NR3C2: variants seen among roughly 807,000 people sequenced by gnomAD.
NR3C2 encodes the protein mineralocorticoid receptor.
In NR3C2, 15 loss-of-function variants were observed where a neutral mutation model predicts 86.4. That is an observed-to-expected ratio of 0.17 (90% CI 0.12 to 0.27). The LOEUF (loss-of-function observed/expected upper bound fraction) is 0.27. NR3C2 is among the 10% of genes least tolerant of loss of function. The pLI, the probability that NR3C2 is intolerant of heterozygous loss-of-function variation, is 1.00. For missense variants in NR3C2, 960 were observed against 1,195.6 expected (o/e 0.80, Z 2.91); for synonymous variants, 458 against 450.5 (o/e 1.02, Z -0.21).
chr4:148,202,826 TC>T (rs1158958413), intron 3 of NR3C2, among the ~76,000 whole-genome samples: 2 of 152,178 alleles, frequency 1.3e-5, no homozygotes, highest in Admixed American at 6.5e-5. Context: ...ATTCCTACTT[TC>T]CCAGATCTGG....
At position 148,225,885 on chromosome 4, in the gene NR3C2, C is replaced by A. The variant is rs1579038183; in HGVS notation, c.1898-31023G>T. Among the ~76,000 whole-genome samples the A allele has an allele frequency of 2.0e-5, 3 of 152,208 alleles. No homozygotes were observed. In the East Asian group the frequency reaches 5.8e-4, roughly 29 times the overall value. The stretch of plus-strand genomic sequence containing the variant: ...CTGTATCACTCACTGGGTCATTTTT[C>A]CTCTTTCAACAAGGACTTACTCATA... On this transcript the variant is annotated intron_variant, in intron 3 of 8. Coordinates refer to ENST00000358102, the MANE Select transcript of NR3C2 (RefSeq NM_000901.5).
chr4:148,184,202 G>A (rs892576311), intron 4 of NR3C2, among the ~76,000 whole-genome samples: 7 of 151,892 alleles, frequency 4.6e-5, no homozygotes, highest in Admixed American at 2.6e-4. Context: ...TGTAATCCCA[G>A]CACTTTGGGA....
intron 2 of NR3C2, among the ~76,000 whole-genome samples, chr4:148,298,927 C>A (rs1334208902): frequency 1.2e-4 from 18 of 152,262 alleles, no homozygotes; most frequent in Non-Finnish European, 2.2e-4. Context: ...TCTGGGTGTG[C>A]CTGCAACAGA....
At chr4:148,171,570 G>A (rs1735127659) in intron 4 of NR3C2, among the ~76,000 whole-genome samples, 1 of 152,174 alleles carries the variant, frequency 6.6e-6, no homozygotes, top group African/African-American at 2.4e-5. Flanking sequence ...CAGATCCCTT[G>A]AATGTGCAGT....
intron 2 of NR3C2, among the ~76,000 whole-genome samples, chr4:148,264,577 C>G (rs561026398): frequency 1.3e-5 from 2 of 152,336 alleles, no homozygotes; most frequent in East Asian, 3.9e-4. Context: ...GGCCTGGGCT[C>G]TAGTTCTAGC....
intron 2 of NR3C2, among the ~76,000 whole-genome samples, chr4:148,348,274 AC>A (rs779142047): frequency 1.1e-4 from 17 of 152,134 alleles, no homozygotes; most frequent in Non-Finnish European, 2.4e-4. Context: ...ACATGATGTT[AC>A]AATATGCTCT....
At chr4:148,328,953 C>T (rs570036330) in intron 2 of NR3C2, among the ~76,000 whole-genome samples, 1 of 152,322 alleles carries the variant, frequency 6.6e-6, no homozygotes, top group South Asian at 2.1e-4. Flanking sequence ...GATAAAACTA[C>T]ATTATTTTCT....
At chr4:148,233,365 G>GTTTTTTT (rs1738561921) in intron 3 of NR3C2, among the ~76,000 whole-genome samples, 1 of 14,410 alleles carries the variant, frequency 6.9e-5, no homozygotes, top group Non-Finnish European at 3.5e-4. Flanking sequence ...AATTTCTTTA[G>GTTTTTTT]GTTTTTTTTT....
intron 2 of NR3C2, among the ~76,000 whole-genome samples, chr4:148,373,470 C>CTTTTTTTT (rs774726733): frequency 3.9e-5 from 5 of 129,796 alleles, no homozygotes; most frequent in African/African-American, 6.5e-5. Context: ...TAAAGGATGA[C>CTTTTTTTT]TTTTTTTTTC....
At chr4:148,227,586 G>A (rs1021206751) in intron 3 of NR3C2, among the ~76,000 whole-genome samples, 3 of 152,076 alleles carry the variant, frequency 2.0e-5, no homozygotes, top group Admixed American at 6.6e-5. Flanking sequence ...TTACCATGGT[G>A]ATGGCCAAGT....
At chr4:148,267,667 A>C (rs1740467236) in intron 2 of NR3C2, among the ~76,000 whole-genome samples, 1 of 152,204 alleles carries the variant, frequency 6.6e-6, no homozygotes. Context: ...TGGTGTCTGC[A>C]GTGTATAGGT....
intron 2 of NR3C2, among the ~76,000 whole-genome samples, chr4:148,272,090 CTT>C (rs895298730): frequency 7.9e-5 from 12 of 152,146 alleles, no homozygotes; most frequent in African/African-American, 2.9e-4. Context: ...TTCTAGGTCT[CTT>C]GATATGTATC....
At chr4:148,299,624 A>C (rs1437369019) in intron 2 of NR3C2, among the ~76,000 whole-genome samples, 1 of 152,232 alleles carries the variant, frequency 6.6e-6, no homozygotes, top group Non-Finnish European at 1.5e-5. Context: ...CCCCGGGCCA[A>C]GGAGTAGAGC....
At chr4:148,194,067 C>T (rs1027596680) in intron 4 of NR3C2, among the ~76,000 whole-genome samples, 3 of 152,162 alleles carry the variant, frequency 2.0e-5, no homozygotes, top group Non-Finnish European at 2.9e-5. Context: ...CTATAATATG[C>T]TTTCCTATCT....
chr4:148,196,847 C>T (rs1234062029), intron 3 of NR3C2, among the ~76,000 whole-genome samples: 2 of 152,068 alleles, frequency 1.3e-5, no homozygotes, highest in Non-Finnish European at 2.9e-5. Context: ...TACACAAAGG[C>T]AATCAATATC....
intron 2 of NR3C2, among the ~76,000 whole-genome samples, chr4:148,281,039 C>T (rs1271156144): frequency 6.6e-6 from 1 of 152,228 alleles, no homozygotes; most frequent in Non-Finnish European, 1.5e-5. Context: ...CTGCTAGAGA[C>T]ATTTTCTTGA....
At chr4:148,289,832 C>T (rs1489709218) in intron 2 of NR3C2, among the ~76,000 whole-genome samples, 1 of 152,094 alleles carries the variant, frequency 6.6e-6, no homozygotes, top group Non-Finnish European at 1.5e-5. Flanking sequence ...GAACATGTCA[C>T]ATGCGAGCTG....
chr4:148,348,436 G>A (rs953258943), intron 2 of NR3C2, among the ~76,000 whole-genome samples: 11 of 152,136 alleles, frequency 7.2e-5, no homozygotes, highest in African/African-American at 2.4e-4. Context: ...CATAGGACGT[G>A]CTCAGAAAAT....
intron 2 of NR3C2, among the ~76,000 whole-genome samples, chr4:148,401,850 G>A (rs1748185438): frequency 6.6e-6 from 1 of 152,064 alleles, no homozygotes; most frequent in Admixed American, 6.6e-5. Flanking sequence ...AAGGCCAAAG[G>A]GATCACAAAG....
Sources: allele counts gnomAD v4.1 joint callset (sites outside exome capture counted in the v4.1 genomes callset), GRCh38; gene constraint gnomAD v4.1.1; transcripts MANE v1.5; gene names NCBI Gene and HGNC (gene_info 2026-07-23, HGNC 2026-07-21).